FER: variants seen among roughly 807,000 people sequenced by gnomAD.
FER encodes FER tyrosine kinase.
FER carries 63 observed loss-of-function variants against 111.0 expected under a neutral mutation model. That is an observed-to-expected ratio of 0.57 (90% CI 0.46 to 0.70). FER has a LOEUF of 0.70. Among genes scored for constraint, FER ranks in the 30% least tolerant of loss-of-function variants. The pLI is 0.00. For synonymous variants in FER, 327 were observed against 313.9 expected (o/e 1.04, Z -0.44); for missense variants, 914 against 954.0 (o/e 0.96, Z 0.55).
intron 13 of FER, among the ~76,000 whole-genome samples, chr5:109,005,086 C>G (rs1765326890): frequency 6.6e-6 from 1 of 152,026 alleles, no homozygotes; most frequent in African/African-American, 2.4e-5. Flanking sequence ...AAATAGTTAC[C>G]AGAATCCAGT....
chr5:108,925,308 T>G (rs1753584298), intron 10 of FER, among the ~76,000 whole-genome samples: 1 of 152,084 alleles, frequency 6.6e-6, no homozygotes, highest in East Asian at 1.9e-4. Context: ...AACATAGGTA[T>G]TTAATAGTTG....
intron 2 of FER, chr5:108,782,581 A>T (rs970621346): frequency 1.3e-5 from 2 of 151,860 alleles, no homozygotes; most frequent in Admixed American, 1.3e-4. Context: ...TTTTTTCTCT[A>T]AATGTTAGCA....
intron 2 of FER, among the ~76,000 whole-genome samples, chr5:108,772,674 G>A (rs1753054262): frequency 6.6e-6 from 1 of 152,036 alleles, no homozygotes; most frequent in Non-Finnish European, 1.5e-5. Context: ...ATTGGCTGTG[G>A]TTTTTACATT....
intron 5 of FER, among the ~76,000 whole-genome samples, chr5:108,844,919 A>G (rs532482577): frequency 6.9e-6 from 1 of 144,180 alleles, no homozygotes; most frequent in South Asian, 2.3e-4. Context: ...GTTAATAGGC[A>G]TTTGGGTTGT....
intron 13 of FER, among the ~76,000 whole-genome samples, chr5:108,977,331 G>C (rs941140613): frequency 4.6e-5 from 7 of 152,118 alleles, no homozygotes; most frequent in Non-Finnish European, 1.0e-4. Context: ...AAATAAGATA[G>C]ACTAATAGTT....
chr5:108,924,665 A>G, intron 10 of FER: 3 of 1,232,000 alleles, frequency 2.4e-6, no homozygotes, highest in Non-Finnish European at 3.0e-6. Flanking sequence ...TTTGAGATGG[A>G]GCAGAAAATG....
At chr5:108,973,023 A>C (rs777622979) in intron 13 of FER, among the ~76,000 whole-genome samples, 1 of 152,172 alleles carries the variant, frequency 6.6e-6, no homozygotes, top group Non-Finnish European at 1.5e-5. Context: ...ATTTTATACT[A>C]CGGCAAACTA....
chr5:108,958,634 A>G (rs1353505166), intron 12 of FER, among the ~76,000 whole-genome samples: 1 of 151,790 alleles, frequency 6.6e-6, no homozygotes. Flanking sequence ...TCACTGTTGC[A>G]TTTTATTTCT....
chr5:108,936,204 A>G (rs549236962), intron 10 of FER, among the ~76,000 whole-genome samples: 41 of 152,158 alleles, frequency 2.7e-4, no homozygotes, highest in African/African-American at 8.7e-4. Flanking sequence ...GGATTTTCAA[A>G]TTCTCAATAT....
chr5:109,015,726 A>G (rs1186822093), intron 13 of FER, among the ~76,000 whole-genome samples: 1 of 152,056 alleles, frequency 6.6e-6, no homozygotes. Context: ...GAGCAACCCT[A>G]TATTTTAAAG....
intron 10 of FER, among the ~76,000 whole-genome samples, chr5:108,934,073 G>C (rs1306639109): frequency 6.6e-6 from 1 of 152,032 alleles, no homozygotes; most frequent in Admixed American, 6.6e-5. Context: ...TCTCTTGCCT[G>C]ATTGCCCTGG....
chr5:109,105,039 G>A (rs866432118), intron 17 of FER, among the ~76,000 whole-genome samples: 5 of 152,060 alleles, frequency 3.3e-5, no homozygotes, highest in South Asian at 2.1e-4. Flanking sequence ...CACCGCGCCC[G>A]GCCAAGACTA....
chr5:108,980,297 A>G (rs1220275180), intron 13 of FER, among the ~76,000 whole-genome samples: 1 of 152,154 alleles, frequency 6.6e-6, no homozygotes, highest in Non-Finnish European at 1.5e-5. Flanking sequence ...GAGAGAGTAA[A>G]AAAGCAAGAA....
chr5:108,906,978 T>G (rs953713617), intron 10 of FER, among the ~76,000 whole-genome samples: 8 of 152,144 alleles, frequency 5.3e-5, no homozygotes, highest in Non-Finnish European at 8.8e-5. Context: ...TGGAAAAAAT[T>G]GTGGGAATTG....
intron 16 of FER, among the ~76,000 whole-genome samples, chr5:109,062,022 T>TTTGCTTGCTTGCTTGCTTGCTTGCTTGC (rs112245118): frequency 1.9e-3 from 286 of 150,650 alleles, no homozygotes; most frequent in East Asian, 3.9e-3. Flanking sequence ...TTATGAATAC[T>TTTGCTTGCTTGCTTGCTTGCTTGCTTGC]TTGCTTGCTT....
chr5:109,105,299 T>C (rs1748776435), intron 17 of FER, among the ~76,000 whole-genome samples: 1 of 150,354 alleles, frequency 6.7e-6, no homozygotes, highest in Admixed American at 6.7e-5. Flanking sequence ...TCATATTTTA[T>C]TAAGTAAAAG....
At chr5:108,848,200 A>T (rs555372734) in intron 5 of FER, among the ~76,000 whole-genome samples, 22 of 152,208 alleles carry the variant, frequency 1.4e-4, no homozygotes, top group African/African-American at 5.3e-4. Context: ...CTTTTTTCAT[A>T]CTTTAACCAG....
chr5:109,188,376 C>CCTGT lies in FER; in HGVS notation c.*804_*807dup, dbSNP rs1347102586. 4 of 113,912 alleles carry CCTGT rather than the reference C, an allele frequency of 3.5e-5. No individual in the cohort carries two copies. The highest frequency in any genetic ancestry group is 7.3e-5 in the Non-Finnish European group (4 of 54,450). 7.1% of individuals were successfully genotyped at this position (113,912 alleles called of 1,614,324 possible). ...ACCAGCCTGGCTTGCATGGTGAAAC[C>CCTGT]CTGTCTCTACCAAAAAAAAAAAAAG... is the stretch of plus-strand genomic sequence containing the variant. On this transcript the variant is annotated 3_prime_UTR_variant, in exon 20 of 20. Transcript: ENST00000281092.
intron 17 of FER, among the ~76,000 whole-genome samples, chr5:109,140,233 C>T (rs1185058770): frequency 1.3e-5 from 2 of 152,094 alleles, no homozygotes; most frequent in East Asian, 3.8e-4. Flanking sequence ...TCCAGTATAA[C>T]AGAATTTTAC....
Sources: gnomAD v4.1 joint callset for allele counts (sites outside exome capture counted in the v4.1 genomes callset) on GRCh38, gnomAD v4.1.1 for gene constraint, MANE v1.5 for transcripts, NCBI Gene and HGNC (gene_info 2026-07-23, HGNC 2026-07-21) for gene names.